DLGAP1: variants seen among roughly 807,000 people sequenced by gnomAD.
DLGAP1 encodes the protein disks large-associated protein 1.
DLGAP1 carries 11 observed loss-of-function variants against 90.8 expected under a neutral mutation model. That is an observed-to-expected ratio of 0.12 (90% CI 0.08 to 0.20). The LOEUF (loss-of-function observed/expected upper bound fraction) is 0.20. Among genes scored for constraint, DLGAP1 ranks in the 10% least tolerant of loss-of-function variants. DLGAP1 has a pLI of 1.00. For synonymous variants in DLGAP1, 558 were observed against 540.7 expected (o/e 1.03, Z -0.44); for missense variants, 1,050 against 1,333.8 (o/e 0.79, Z 3.31).
intron 9 of DLGAP1, among the ~76,000 whole-genome samples, chr18:3,561,436 CAAAA>C (rs68086553): frequency 6.5e-5 from 5 of 76,358 alleles, no homozygotes; most frequent in African/African-American, 1.6e-4. Context: ...ACTCCATCTC[CAAAA>C]AAAAAAAAAA....
chr18:3,954,908 T>C (rs890258910), intron 3 of DLGAP1, among the ~76,000 whole-genome samples: 6 of 152,160 alleles, frequency 3.9e-5, no homozygotes, highest in Admixed American at 3.9e-4. Context: ...CTTCATAAAG[T>C]TGCAGCGCGC....
chr18:4,187,983 G>C (rs148654980), intron 1 of DLGAP1, among the ~76,000 whole-genome samples: 1 of 152,138 alleles, frequency 6.6e-6, no homozygotes, highest in Non-Finnish European at 1.5e-5. Flanking sequence ...AGGAGACAGA[G>C]TGAGACCCTG....
At chr18:3,572,679 A>T (rs1023594964) in intron 8 of DLGAP1, among the ~76,000 whole-genome samples, 1 of 152,120 alleles carries the variant, frequency 6.6e-6, no homozygotes, top group Non-Finnish European at 1.5e-5. Context: ...CAAACTCCTG[A>T]TCTCAAGTGA....
At chr18:4,014,843 A>G (rs11081091) in intron 2 of DLGAP1, among the ~76,000 whole-genome samples, 10,665 of 152,222 alleles carry the variant, frequency 0.07, 479 homozygotes, top group Non-Finnish European at 0.11. Context: ...TTGGTCCTGC[A>G]GAGGTTCTAC....
chr18:4,243,473 A>G (rs933822684), intron 1 of DLGAP1, among the ~76,000 whole-genome samples: 1 of 152,082 alleles, frequency 6.6e-6, no homozygotes, highest in Non-Finnish European at 1.5e-5. Context: ...TGAGAAGAGA[A>G]CTCATCCCCT....
At chr18:4,080,958 G>C (rs1598364888) in intron 2 of DLGAP1, among the ~76,000 whole-genome samples, 1 of 149,742 alleles carries the variant, frequency 6.7e-6, no homozygotes, top group East Asian at 2.0e-4. Flanking sequence ...GCGCAATCTT[G>C]GCTCACTGCA....
At chr18:3,503,045 CAATTTATTCAGAGAACAGAT>C (rs1239104294) in intron 11 of DLGAP1, among the ~76,000 whole-genome samples, 2 of 151,788 alleles carry the variant, frequency 1.3e-5, no homozygotes, top group African/African-American at 4.8e-5. Context: ...ACATGCCATA[CAATTTATTCAGAGAACAGAT>C]AAGGAATCTA....
chr18:3,512,065 C>CTT (rs5822764), intron 10 of DLGAP1, among the ~76,000 whole-genome samples: 32 of 147,820 alleles, frequency 2.2e-4, no homozygotes, highest in South Asian at 1.3e-3. Context: ...TCTGGTCATG[C>CTT]TTTTTTTTTT....
At chr18:4,316,756 C>T (rs548897494) in intron 1 of DLGAP1, among the ~76,000 whole-genome samples, 19 of 152,232 alleles carry the variant, frequency 1.2e-4, no homozygotes, top group East Asian at 5.8e-4. Context: ...TACTGTGCCC[C>T]GATGTGATTA....
At chr18:4,064,978 C>T (rs141715171) in intron 2 of DLGAP1, among the ~76,000 whole-genome samples, 172 of 152,224 alleles carry the variant, frequency 1.1e-3, no homozygotes, top group African/African-American at 3.9e-3. Context: ...AGGTTATCCA[C>T]CACAATCAAG....
chr18:3,734,749 C>T (rs2062574017), intron 6 of DLGAP1, among the ~76,000 whole-genome samples: 1 of 151,962 alleles, frequency 6.6e-6, no homozygotes, highest in Non-Finnish European at 1.5e-5. Flanking sequence ...TAAGCTTTGA[C>T]CAAGATTCTT....
intron 1 of DLGAP1, among the ~76,000 whole-genome samples, chr18:4,261,443 G>A (rs2079000428): frequency 6.6e-6 from 1 of 152,016 alleles, no homozygotes; most frequent in Non-Finnish European, 1.5e-5. Context: ...ATGCTATTTT[G>A]CTACTATTCT....
chr18:3,789,134 C>T (rs919565585), intron 5 of DLGAP1, among the ~76,000 whole-genome samples: 1 of 152,190 alleles, frequency 6.6e-6, no homozygotes, highest in Non-Finnish European at 1.5e-5. Flanking sequence ...GTGAGTCTAG[C>T]AGGGGAGAGA....
At chr18:4,001,094 TC>T (rs1320458391) in intron 3 of DLGAP1, among the ~76,000 whole-genome samples, 3 of 137,000 alleles carry the variant, frequency 2.2e-5, no homozygotes, top group Non-Finnish European at 3.1e-5. Context: ...ATGTTTTAAA[TC>T]TTTTTATTTT....
At chr18:3,912,621 C>T (rs2072060037) in intron 3 of DLGAP1, among the ~76,000 whole-genome samples, 1 of 152,094 alleles carries the variant, frequency 6.6e-6, no homozygotes, top group Admixed American at 6.6e-5. Context: ...AAATATCTGG[C>T]AGGTCACAAG....
At chr18:3,560,376 G>A (rs28450404) in intron 9 of DLGAP1, among the ~76,000 whole-genome samples, 66,279 of 145,426 alleles carry the variant, frequency 0.46, 18,300 homozygotes, top group African/African-American at 0.77. Context: ...CTGAGATCGC[G>A]CCACTGCACT....
chr18:4,203,013 T>C (rs528974572), intron 1 of DLGAP1, among the ~76,000 whole-genome samples: 35 of 152,278 alleles, frequency 2.3e-4, no homozygotes, highest in African/African-American at 8.2e-4. Context: ...CCATGGCTCA[T>C]GCCTGTAATC....
intron 1 of DLGAP1, among the ~76,000 whole-genome samples, chr18:4,415,717 A>G (rs1318120139): frequency 6.6e-6 from 1 of 152,156 alleles, no homozygotes; most frequent in Non-Finnish European, 1.5e-5. Flanking sequence ...GTCTTGGGCT[A>G]AGTTTTTTTA....
intron 1 of DLGAP1, among the ~76,000 whole-genome samples, chr18:4,193,281 T>A (rs1241877134): frequency 3.3e-5 from 5 of 152,208 alleles, no homozygotes; most frequent in African/African-American, 1.2e-4. Context: ...TCATATTTGA[T>A]CTCATTTTTT....
Sources: allele counts gnomAD v4.1 joint callset (sites outside exome capture counted in the v4.1 genomes callset), GRCh38; gene constraint gnomAD v4.1.1; transcripts MANE v1.5; gene names NCBI Gene and HGNC (gene_info 2026-07-23, HGNC 2026-07-21).